Variants in TMEM131 observed in about 807,000 individuals in gnomAD.
TMEM131 encodes the protein 2610524E03Rik.
Under a neutral mutation model 211.6 loss-of-function variants are expected in TMEM131, and 66 were observed. The ratio of observed to expected loss-of-function variants is 0.31; its 90% CI spans 0.26 to 0.38. The LOEUF is 0.38. Among genes scored for constraint, TMEM131 ranks in the 10% least tolerant of loss-of-function variants. The pLI is 1.00. For missense variants in TMEM131, 2,036 were observed against 2,299.3 expected, an observed-to-expected ratio of 0.89 and a Z score of 2.34; for synonymous variants, 844 against 841.3, an observed-to-expected ratio of 1.00 and a Z score of -0.06.
At chr2:97,957,833 C>CA (rs946211856) in intron 1 of TMEM131, among the ~76,000 whole-genome samples, 119 of 144,292 alleles carry the variant, frequency 8.2e-4, no homozygotes, top group Admixed American at 2.3e-3. Context: ...TTGATTATTC[C>CA]AAAAAAAAAA....
At position 97,806,518 on chromosome 2, in the gene TMEM131, G is replaced by T. The variant is rs182541771; in HGVS notation, c.2056-815C>A. On this transcript the variant is annotated intron_variant, in intron 19 of 40. Transcript: ENST00000186436. ...ATCGTACCACGGCACTCCAGCCTGG[G>T]TGACAGAGTGAGACTCCATCTCAAA... Among the ~76,000 whole-genome samples, 8 of 152,298 alleles carry T rather than the reference G, an allele frequency of 5.3e-5. No individual in the cohort carries two copies. In the East Asian group the frequency reaches 1.5e-3, roughly 29 times the overall value.
intron 33 of TMEM131, among the ~76,000 whole-genome samples, chr2:97,769,441 T>C (rs1482354635): frequency 2.0e-5 from 3 of 152,136 alleles, no homozygotes; most frequent in African/African-American, 4.8e-5. Flanking sequence ...ACAGTACACA[T>C]TTCTGTCTGG....
chr2:97,821,678 C>G (rs1435381875), intron 11 of TMEM131, among the ~76,000 whole-genome samples: 2 of 152,210 alleles, frequency 1.3e-5, no homozygotes, highest in African/African-American at 4.8e-5. Context: ...TATCGCCAAG[C>G]AGTGAGCACC....
At chr2:97,988,107 G>A (rs1680107114) in intron 1 of TMEM131, among the ~76,000 whole-genome samples, 2 of 151,938 alleles carry the variant, frequency 1.3e-5, no homozygotes, top group African/African-American at 4.8e-5. Flanking sequence ...CATAAAGACA[G>A]ACACACAGAG....
At position 97,795,629 on chromosome 2, in the gene TMEM131, T is replaced by C. The variant is rs1211932188; in HGVS notation, c.3201-514A>G. ...TTTAGGTGTCAAACATTATGCCTTATATGCAATAATGTAGCTACTTATTAA... is the reference window on the plus strand; with the variant it reads ...TTTAGGTGTCAAACATTATGCCTTACATGCAATAATGTAGCTACTTATTAA... On this transcript the variant is annotated intron_variant, in intron 28 of 40. Coordinates refer to ENST00000186436, the MANE Select transcript of TMEM131 (RefSeq NM_015348.2). 2.6e-5 allele frequency among the ~76,000 whole-genome samples: 4 copies of C among 152,346 alleles called. No individual in the cohort carries two copies. The East Asian group carries it at 5.8e-4, about 22-fold the overall frequency.
intron 7 of TMEM131, among the ~76,000 whole-genome samples, chr2:97,841,482 AAGTGTTTAC>A (rs982889174): frequency 6.6e-6 from 1 of 152,238 alleles, no homozygotes; most frequent in Non-Finnish European, 1.5e-5. Context: ...TTGGGCCAGA[AAGTGTTTAC>A]AGGCAAGAAA....
chr2:97,941,977 A>G (rs944600115), intron 1 of TMEM131, among the ~76,000 whole-genome samples: 3 of 152,180 alleles, frequency 2.0e-5, no homozygotes, highest in South Asian at 4.1e-4. Context: ...ATTACCGGGT[A>G]TATACCCAAA....
chr2:97,823,874 A>C (rs1682244336), intron 11 of TMEM131, among the ~76,000 whole-genome samples: 1 of 152,206 alleles, frequency 6.6e-6, no homozygotes, highest in Non-Finnish European at 1.5e-5. Flanking sequence ...CCAATCAGCC[A>C]CAGATAACAG....
chr2:97,760,810 C>T lies in TMEM131; in HGVS notation c.4994G>A (p.Gly1665Asp). 1 of 1,614,034 alleles carries T rather than the reference C, an allele frequency of 6.2e-7. No homozygotes were observed. Among genetic ancestry groups the T allele is most frequent in the Non-Finnish European group, 8.5e-7 (1 of 1,179,882 alleles). ...GNPTFAAVTA[G>D]YDKSPGGNGF... is the part of the protein sequence containing the mutation. ...GCACTGACCTGGGCTCTTGTCGTAG[C>T]CAGCCGTGACTGCAGCAAAAGTGGG... The change falls in exon 37 of 41, where the codon GGC becomes GAC. Residue 1665 changes from glycine (G) to aspartate (D), a missense_variant. Physicochemically the swap from Gly to Asp is moderately conservative, Grantham distance 94. Transcript: ENST00000186436.
At chr2:97,965,202 G>A (rs890560585) in intron 1 of TMEM131, among the ~76,000 whole-genome samples, 16 of 152,106 alleles carry the variant, frequency 1.1e-4, no homozygotes, top group Non-Finnish European at 1.9e-4. Context: ...TTAGACACAC[G>A]CCTTTGCTTG....
chr2:97,912,632 T>C (rs536686773), intron 2 of TMEM131, among the ~76,000 whole-genome samples: 1 of 152,210 alleles, frequency 6.6e-6, no homozygotes, highest in Admixed American at 6.5e-5. Flanking sequence ...AGGGGTGTTC[T>C]TTCACCTCAG....
At position 97,792,975 on chromosome 2, in the gene TMEM131, T is replaced by A; in HGVS notation, c.3555A>T (p.Thr1185=). 1 of 1,565,912 alleles carries A rather than the reference T, an allele frequency of 6.4e-7. No individual in the cohort carries two copies. Among genetic ancestry groups the A allele is most frequent in the East Asian group, 2.3e-5 (1 of 43,826 alleles). The change falls in exon 31 of 41, where the codon ACA becomes ACT. Residue 1185 remains threonine, a synonymous_variant. Coordinates refer to ENST00000186436, the MANE Select transcript of TMEM131 (RefSeq NM_015348.2). ...TACTGTGACCGGGGTCACAGCTGAG[T>A]GTGTTCAAGCTGAAAAAGGGACCAA... ...VGISSEGNLN[T]LSCDPGHSRG...
chr2:97,818,515 A>C, intron 12 of TMEM131, 98 bp downstream of exon 12: 16 of 602,990 alleles, frequency 2.7e-5, no homozygotes, highest in Non-Finnish European at 4.6e-5. Flanking sequence ...TTCTGATGGT[A>C]AAACAGTTTG....
intron 1 of TMEM131, among the ~76,000 whole-genome samples, chr2:97,978,036 G>A (rs62156530): frequency 0.074 from 11,259 of 152,146 alleles, 501 homozygotes; most frequent in Middle Eastern, 0.12. Flanking sequence ...GCAGTGAGCC[G>A]AGACTGCGCC....
At chr2:97,992,810 C>T (rs1680322721) in intron 1 of TMEM131, among the ~76,000 whole-genome samples, 1 of 152,112 alleles carries the variant, frequency 6.6e-6, no homozygotes, top group Admixed American at 6.5e-5. Context: ...TAGATGTTAG[C>T]CTCAAGACAA....
At chr2:97,894,555 C>T (rs993631994) in intron 3 of TMEM131, among the ~76,000 whole-genome samples, 3 of 152,170 alleles carry the variant, frequency 2.0e-5, no homozygotes, top group Admixed American at 6.5e-5. Flanking sequence ...CTCTTAATTT[C>T]CTTGAGCAGT....
intron 31 of TMEM131, among the ~76,000 whole-genome samples, chr2:97,791,531 C>T (rs996714583): frequency 7.2e-5 from 11 of 152,160 alleles, no homozygotes; most frequent in Non-Finnish European, 1.0e-4. Flanking sequence ...TCCAACAGTC[C>T]GTGAAGAACT....
At chr2:97,763,678 C>T (rs972348907) in intron 35 of TMEM131, 1 of 152,580 alleles carries the variant, frequency 6.6e-6, no homozygotes, top group African/African-American at 2.4e-5. Flanking sequence ...CCTGCAGTGA[C>T]TCGTCCCCTC....
chr2:97,809,814 A>G (rs990601844), intron 18 of TMEM131, 40 bp from the exon 19 acceptor site: 2 of 1,483,714 alleles, frequency 1.3e-6, no homozygotes, highest in African/African-American at 1.4e-5. Flanking sequence ...AGTAGTTAAG[A>G]CTTAGCCTGA....
Sources: gnomAD v4.1 joint callset for allele counts (sites outside exome capture counted in the v4.1 genomes callset) on GRCh38, gnomAD v4.1.1 for gene constraint, MANE v1.5 for transcripts, NCBI Gene and HGNC (gene_info 2026-07-23, HGNC 2026-07-21) for gene names.